The following AMPH variants were observed in gnomAD, a reference collection of about 807,000 sequenced individuals.
AMPH encodes amphiphysin (Stiff-Mann syndrome with breast cancer 128kD autoantigen).
A neutral mutation model predicts 99.1 loss-of-function variants in AMPH; 49 were observed. That is an observed-to-expected ratio of 0.49 (90% CI 0.39 to 0.63). AMPH has a LOEUF of 0.63. AMPH is among the 20% of genes least tolerant of loss of function. The pLI is 0.00. For synonymous variants in AMPH, 314 were observed against 317.3 expected (o/e 0.99, Z 0.11); for missense variants, 759 against 863.4 (o/e 0.88, Z 1.52).
At chr7:38,572,830 C>A (rs563975955) in intron 1 of AMPH, among the ~76,000 whole-genome samples, 2 of 152,224 alleles carry the variant, frequency 1.3e-5, no homozygotes, top group South Asian at 2.1e-4. Context: ...ATAGGAACAG[C>A]CTGCAGTGTC....
rs184664712 is a variant in AMPH, at chr7:38,567,308, A to G, written c.70-32297T>C. On this transcript the variant is annotated intron_variant, in intron 1 of 20. Transcript: ENST00000356264. ...ACAAGGACAGAAAACCAAACACCGC[A>G]TGTTCTCACCCATAGGTGGGAGCTG... Among the ~76,000 whole-genome samples, 4 of 152,282 alleles carry G rather than the reference A, an allele frequency of 2.6e-5. No homozygotes were observed. The East Asian group carries it at 7.7e-4, about 29-fold the overall frequency.
intron 1 of AMPH, among the ~76,000 whole-genome samples, chr7:38,608,379 G>A (rs890159002): frequency 1.3e-5 from 2 of 152,164 alleles, no homozygotes; most frequent in Non-Finnish European, 2.9e-5. Context: ...CTCTGCCAGT[G>A]AAGATTAACT....
In AMPH at chr7:38,429,317, T is replaced by C. The variant is rs982660052; in HGVS notation, c.1182+525A>G. 8 of 1,288,512 alleles carry C rather than the reference T, an allele frequency of 6.2e-6. No homozygotes were observed. In the African/African-American group the frequency reaches 1.2e-4, roughly 20 times the overall value. 79.8% of individuals were successfully genotyped at this position (1,288,512 alleles called of 1,614,324 possible). A position where few individuals can be genotyped will look rare whatever the true frequency, so the allele number is the denominator to read the frequency against. On this transcript the variant is annotated intron_variant, in intron 14 of 20. Transcript: ENST00000356264. ...CTGGCCCCGGGGCATGCTCACTCTC[T>C]TCAGCTACAGTGGGCCAGTCAGCAG...
intron 1 of AMPH, among the ~76,000 whole-genome samples, chr7:38,612,184 C>A (rs1436208552): frequency 7.4e-6 from 1 of 135,274 alleles, no homozygotes; most frequent in Non-Finnish European, 1.5e-5. Context: ...TCAAGTGATT[C>A]TCCTGCCTCA....
chr7:38,407,542 A>C (rs999973885), intron 17 of AMPH, among the ~76,000 whole-genome samples: 2 of 152,084 alleles, frequency 1.3e-5, no homozygotes, highest in African/African-American at 4.8e-5. Context: ...GTTTAATAGA[A>C]GCCCAAATCT....
chr7:38,625,238 A>G lies in AMPH; in HGVS notation c.69+6045T>C, dbSNP rs78231139. Among the ~76,000 whole-genome samples, 16 of 152,338 alleles carry G rather than the reference A, an allele frequency of 1.1e-4. No individual in the cohort carries two copies. In the East Asian group the frequency reaches 3.1e-3, roughly 29 times the overall value. Reference sequence around the variant, plus strand: ...CAGAAAAATCAGCCCAGATTACCACAAAAGGGCAGAGGCATCCAAAAAGGA... The same window carrying G: ...CAGAAAAATCAGCCCAGATTACCACGAAAGGGCAGAGGCATCCAAAAAGGA... On this transcript the variant is annotated intron_variant, in intron 1 of 20. Coordinates refer to ENST00000356264, the MANE Select transcript of AMPH (RefSeq NM_001635.4).
At chr7:38,391,661 TA>T in intron 19 of AMPH, 86 bp downstream of exon 19, 1 of 1,410,324 alleles carries the variant, frequency 7.1e-7, no homozygotes, top group Non-Finnish European at 9.5e-7. Flanking sequence ...TTGCAAAAAG[TA>T]AAAGTAAAAA....
At chr7:38,476,749 T>C (rs1788099835) in intron 6 of AMPH, 113 bp downstream of exon 6, 2 of 691,946 alleles carry the variant, frequency 2.9e-6, no homozygotes, top group African/African-American at 3.6e-5. Context: ...TCAGTTTAAA[T>C]TCTGTTCAGA....
chr7:38,407,076 A>ATATATATATGTGTG (rs1478238678), intron 17 of AMPH, among the ~76,000 whole-genome samples: 1 of 19,732 alleles, frequency 5.1e-5, no homozygotes, highest in Non-Finnish European at 9.0e-5. Context: ...ATATATATAT[A>ATATATATATGTGTG]TGTGTGTGTG....
intron 2 of AMPH, among the ~76,000 whole-genome samples, chr7:38,505,206 A>G (rs1480846099): frequency 1.3e-5 from 2 of 152,242 alleles, no homozygotes; most frequent in Non-Finnish European, 2.9e-5. Context: ...CTGACAAGAA[A>G]TAATTAAGAC....
intron 11 of AMPH, among the ~76,000 whole-genome samples, chr7:38,437,823 T>C (rs73352617): frequency 0.027 from 4,159 of 151,542 alleles, 182 homozygotes; most frequent in African/African-American, 0.092. Flanking sequence ...ATAAAAAAAA[T>C]AAAAATAAAG....
In AMPH at chr7:38,524,369, A is replaced by G. The variant is rs552822358; in HGVS notation, c.150+10562T>C. On this transcript the variant is annotated intron_variant, in intron 2 of 20. Coordinates refer to ENST00000356264, the MANE Select transcript of AMPH (RefSeq NM_001635.4). ...TGGATTGGATACAGGCCCTTTAAAA[A>G]ACACAATTAGGGCATATGTTGCAAA... 1.6e-4 allele frequency among the ~76,000 whole-genome samples: 24 copies of G among 152,332 alleles called. No homozygotes were observed. In the East Asian group the frequency reaches 4.4e-3, roughly 28 times the overall value.
At chr7:38,473,083 C>A (rs1032618097) in intron 7 of AMPH, among the ~76,000 whole-genome samples, 8 of 152,158 alleles carry the variant, frequency 5.3e-5, no homozygotes, top group African/African-American at 1.9e-4. Flanking sequence ...CTGGCAATTT[C>A]CCCAAAGTTT....
chr7:38,401,747 T>C (rs1192744450), intron 17 of AMPH, among the ~76,000 whole-genome samples: 1 of 152,222 alleles, frequency 6.6e-6, no homozygotes, highest in East Asian at 1.9e-4. Flanking sequence ...TAAACTCAAA[T>C]ATTTAAAAGA....
chr7:38,610,385 A>AAAGAG (rs1793637946), intron 1 of AMPH, among the ~76,000 whole-genome samples: 1 of 128,666 alleles, frequency 7.8e-6, no homozygotes, highest in Non-Finnish European at 1.6e-5. Flanking sequence ...AAGGAAAGGA[A>AAAGAG]AAGAAAAGAA....
chr7:38,433,719 C>A (rs1584085345), intron 12 of AMPH, among the ~76,000 whole-genome samples: 1 of 15,804 alleles, frequency 6.3e-5, no homozygotes. Flanking sequence ...AGCGAGACTC[C>A]GTCTCAAAAA....
rs59085219 is a variant in AMPH at position 38,603,314 on chromosome 7, C to CAAAAA, written c.69+27964_69+27968dup. Among the ~76,000 whole-genome samples the CAAAAA allele has an allele frequency of 9.2e-3, 876 of 94,760 alleles. 13 individuals are homozygous for CAAAAA. The highest frequency in any genetic ancestry group is 0.031 in the African/African-American group (767 of 24,462). 62.2% of individuals were successfully genotyped at this position (94,760 alleles called of 152,430 possible). A position where few individuals can be genotyped will look rare whatever the true frequency, so the allele number is the denominator to read the frequency against. On this transcript the variant is annotated intron_variant, in intron 1 of 20. Transcript: ENST00000356264. ...CTGGTGACAGAGTGAGACTCTGTCT[C>CAAAAA]AAAAAAAAAAAAAAAAAAAATTATG...
In AMPH at chr7:38,503,693, G is replaced by A. The variant is rs1789229230; in HGVS notation, c.162C>T (p.Thr54=). Residue 54 remains threonine, a synonymous_variant, in exon 3 of 21, where the codon ACC becomes ACT. Transcript: ENST00000356264. ...ATCCTCGGAGTTCTCGCTGAAGTCT[G>A]GTACCCTCTGCCTAAAAAACACAAG... The part of the protein sequence containing the change: ...QNFKRQEAEG[T]RLQRELRGYL... The A allele has an allele frequency of 6.2e-7, 1 of 1,613,752 alleles. No homozygotes were observed. Among genetic ancestry groups the A allele is most frequent in the African/African-American group, 1.3e-5 (1 of 74,840 alleles).
At chr7:38,600,157 C>A (rs1257902279) in intron 1 of AMPH, among the ~76,000 whole-genome samples, 1 of 152,088 alleles carries the variant, frequency 6.6e-6, no homozygotes, top group Non-Finnish European at 1.5e-5. Flanking sequence ...ACTTTAAATG[C>A]ATTTATTTTA....
Sources: gnomAD v4.1 joint callset for allele counts (sites outside exome capture counted in the v4.1 genomes callset) on GRCh38, gnomAD v4.1.1 for gene constraint, MANE v1.5 for transcripts, NCBI Gene and HGNC (gene_info 2026-07-23, HGNC 2026-07-21) for gene names.